ATXN1: variants seen among roughly 807,000 people sequenced by gnomAD.
The protein encoded by ATXN1 is ataxin-1.
In ATXN1, 8 loss-of-function variants were observed where a neutral mutation model predicts 56.4. The ratio of observed to expected loss-of-function variants is 0.14; its 90% CI spans 0.08 to 0.26. ATXN1 has a LOEUF of 0.26. ATXN1 is among the 10% of genes least tolerant of loss of function. The pLI, the probability that ATXN1 is intolerant of heterozygous loss-of-function variation, is 1.00. For synonymous variants in ATXN1, 514 were observed against 494.6 expected, an observed-to-expected ratio of 1.04 and a Z score of -0.52; for missense variants, 987 against 1,106.5, an observed-to-expected ratio of 0.89 and a Z score of 1.53.
chr6:16,716,048 C>T lies in ATXN1; in HGVS notation c.-615+37185G>A, dbSNP rs114184148. On this transcript the variant is annotated intron_variant, in intron 2 of 7. Transcript: ENST00000436367. ...AACCCTATGGAGCCATTCCTGACAA[C>T]ACCCCCACCCACTCAAGGCTAAATT... 9.5e-3 allele frequency among the ~76,000 whole-genome samples: 1,440 copies of T among 152,318 alleles called. 11 individuals are homozygous for T. The highest frequency in any genetic ancestry group is 0.015 in the Non-Finnish European group (1,052 of 68,020).
chr6:16,515,642 T>C (rs879654164), intron 5 of ATXN1, among the ~76,000 whole-genome samples: 6 of 152,196 alleles, frequency 3.9e-5, no homozygotes, highest in Admixed American at 2.0e-4. Context: ...CTGTCCATTC[T>C]CCGTGTTGAG....
intron 5 of ATXN1, among the ~76,000 whole-genome samples, chr6:16,499,886 C>T (rs555813804): frequency 2.0e-3 from 312 of 152,346 alleles, no homozygotes; most frequent in Middle Eastern, 0.01. Context: ...CTTGGCTACA[C>T]ATTGTGACCA....
chr6:16,632,308 G>A (rs1027298671), intron 3 of ATXN1, among the ~76,000 whole-genome samples: 4 of 152,174 alleles, frequency 2.6e-5, no homozygotes, highest in African/African-American at 9.7e-5. Flanking sequence ...TTGCTCGTGG[G>A]TCGACAACAC....
intron 4 of ATXN1, among the ~76,000 whole-genome samples, chr6:16,565,540 T>G (rs9477167): frequency 0.086 from 13,032 of 152,186 alleles, 1,796 homozygotes; most frequent in African/African-American, 0.29. Context: ...GAATGACAAT[T>G]TATTCATTTG....
intron 3 of ATXN1, among the ~76,000 whole-genome samples, chr6:16,592,375 C>T (rs1207294729): frequency 6.6e-6 from 1 of 152,126 alleles, no homozygotes; most frequent in Non-Finnish European, 1.5e-5. Context: ...GGCCTGGCTG[C>T]CTAACATATT....
intron 6 of ATXN1, among the ~76,000 whole-genome samples, chr6:16,417,517 C>T (rs1257567405): frequency 6.6e-6 from 1 of 151,632 alleles, no homozygotes; most frequent in Non-Finnish European, 1.5e-5. Flanking sequence ...CGGCTCACTG[C>T]AAGCTCCGCC....
chr6:16,694,467 T>G (rs1759118270), intron 2 of ATXN1, among the ~76,000 whole-genome samples: 1 of 152,152 alleles, frequency 6.6e-6, no homozygotes, highest in South Asian at 2.1e-4. Flanking sequence ...TTGCCCAGGC[T>G]CGTCACAATT....
intron 6 of ATXN1, among the ~76,000 whole-genome samples, chr6:16,347,403 C>T (rs1160815206): frequency 6.6e-6 from 1 of 152,258 alleles, no homozygotes; most frequent in Non-Finnish European, 1.5e-5. Flanking sequence ...CACCAATCAG[C>T]ACCCTGTGTC....
At chr6:16,351,724 A>G (rs994108412) in intron 6 of ATXN1, among the ~76,000 whole-genome samples, 1 of 152,164 alleles carries the variant, frequency 6.6e-6, no homozygotes, top group Non-Finnish European at 1.5e-5. Flanking sequence ...ATGCTGGATC[A>G]ATATTTCTCC....
chr6:16,733,129 C>T, intron 2 of ATXN1, among the ~76,000 whole-genome samples: 1 of 152,208 alleles, frequency 6.6e-6, no homozygotes, highest in East Asian at 1.9e-4. Flanking sequence ...TTGCTGAAAG[C>T]CTGCATTAAA....
At chr6:16,352,621 T>C (rs770876931) in intron 6 of ATXN1, among the ~76,000 whole-genome samples, 2 of 152,054 alleles carry the variant, frequency 1.3e-5, no homozygotes, top group African/African-American at 2.4e-5. Flanking sequence ...CATCGAGGGC[T>C]CCCTTTGTGG....
chr6:16,711,601 CAT>C (rs1759525738), intron 2 of ATXN1, among the ~76,000 whole-genome samples: 2 of 149,728 alleles, frequency 1.3e-5, no homozygotes, highest in South Asian at 2.1e-4. Context: ...AAAAAAAAAC[CAT>C]CTATATCTAT....
intron 2 of ATXN1, among the ~76,000 whole-genome samples, chr6:16,726,685 T>C (rs543903676): frequency 6.6e-6 from 1 of 151,924 alleles, no homozygotes; most frequent in South Asian, 2.1e-4. Flanking sequence ...GCCAACACGG[T>C]GAAACTCCAT....
At chr6:16,753,123 G>C in intron 2 of ATXN1, 110 bp downstream of exon 2, 1 of 390,344 alleles carries the variant, frequency 2.6e-6, no homozygotes, top group Non-Finnish European at 5.1e-6. Context: ...AGTTTGCAAA[G>C]AAAATGATAT....
intron 3 of ATXN1, among the ~76,000 whole-genome samples, chr6:16,624,214 C>G (rs2237171): frequency 0.3 from 46,051 of 151,650 alleles, 7,170 homozygotes; most frequent in East Asian, 0.4. Context: ...AGCCAGGCGT[C>G]GTGGCAGGTT....
intron 3 of ATXN1, among the ~76,000 whole-genome samples, chr6:16,640,287 G>A (rs1763684561): frequency 6.6e-6 from 1 of 152,116 alleles, no homozygotes; most frequent in Non-Finnish European, 1.5e-5. Context: ...CCCCATATAA[G>A]GTAATGAACT....
intron 6 of ATXN1, among the ~76,000 whole-genome samples, chr6:16,361,036 A>G (rs921653384): frequency 6.6e-6 from 1 of 152,242 alleles, no homozygotes; most frequent in Non-Finnish European, 1.5e-5. Context: ...GTTGCTGCAC[A>G]TTTACGACAT....
At chr6:16,354,885 T>C (rs1004494192) in intron 6 of ATXN1, among the ~76,000 whole-genome samples, 1 of 152,232 alleles carries the variant, frequency 6.6e-6, no homozygotes, top group Non-Finnish European at 1.5e-5. Context: ...CCATGTGGTC[T>C]TGTAGCCTAT....
intron 6 of ATXN1, among the ~76,000 whole-genome samples, chr6:16,482,105 C>A (rs1287438279): frequency 6.6e-6 from 1 of 152,020 alleles, no homozygotes; most frequent in Non-Finnish European, 1.5e-5. Flanking sequence ...ACTCTCCATC[C>A]CTTCCCCACA....
Sources: gnomAD v4.1 joint callset for allele counts (sites outside exome capture counted in the v4.1 genomes callset) on GRCh38, gnomAD v4.1.1 for gene constraint, MANE v1.5 for transcripts, NCBI Gene and HGNC (gene_info 2026-07-23, HGNC 2026-07-21) for gene names.